Variants in RUBCNL observed in about 807,000 individuals in gnomAD.
RUBCNL encodes the protein rubicon like autophagy enhancer.
RUBCNL carries 62 observed loss-of-function variants against 69.5 expected under a neutral mutation model. The observed-to-expected ratio is 0.89, with a 90% CI of 0.73 to 1.10. The LOEUF (loss-of-function observed/expected upper bound fraction) is 1.10, where lower values mean the gene tolerates loss of function less well. Among genes scored for constraint, RUBCNL ranks in the 50% least tolerant of loss-of-function variants. The pLI is 0.00. For synonymous variants in RUBCNL, 291 were observed against 303.6 expected, an observed-to-expected ratio of 0.96 and a Z score of 0.43; for missense variants, 768 against 798.1, an observed-to-expected ratio of 0.96 and a Z score of 0.45.
rs375711388 is a variant in RUBCNL at position 46,345,531 on chromosome 13, G to A, written c.1701C>T (p.Asp567=). 1 of 1,612,862 alleles carries A rather than the reference G, an allele frequency of 6.2e-7. No individual in the cohort carries two copies. Among genetic ancestry groups the A allele is most frequent in the African/African-American group, 1.3e-5 (1 of 74,974 alleles). Residue 567 remains aspartate, a synonymous_variant, in exon 13 of 15, where the codon GAC becomes GAT. Transcript: ENST00000429979. ...TDELHLFSLE[D]LVRIKKGLLA... Reference sequence around the variant, plus strand: ...GCAGCCCTTTCTTGATCCTGACCAGGTCCTCAAGGGAGAACAGGTGGAGCT... The same window carrying A: ...GCAGCCCTTTCTTGATCCTGACCAGATCCTCAAGGGAGAACAGGTGGAGCT...
rs2138870223 is a variant in RUBCNL, at chr13:46,387,224, A to C, written c.-329T>G. On this transcript the variant is annotated 5_prime_UTR_variant, in exon 1 of 15. Transcript: ENST00000429979. ...CGGCTCCGGGCAGCGTTCCGTGGCC[A>C]CCGCGCTCCCGGTAACAGCAGAAAG... 1.0e-6 allele frequency: 1 copy of C among 984,948 alleles called. No individual in the cohort carries two copies. The highest frequency in any genetic ancestry group is 4.7e-5 in the South Asian group (1 of 21,194). The allele number at this position is 984,948 out of a possible 1,614,324, so 61.0% of individuals were successfully genotyped here.
chr13:46,345,616 CA>C lies in RUBCNL; in HGVS notation c.1632-17del. On this transcript the variant is annotated splice_polypyrimidine_tract_variant and intron_variant, in intron 12 of 14. Coordinates refer to ENST00000429979, the MANE Select transcript of RUBCNL (RefSeq NM_025113.5). ...CTTTAATGCACTGCCAGAGAGGAAA[CA>C]AAGAGGAATTCAGAAACCCACCCAC... is the stretch of plus-strand genomic sequence containing the variant. 6.2e-7 allele frequency: 1 copy of C among 1,612,142 alleles called. No homozygotes were observed. Among genetic ancestry groups the C allele is most frequent in the South Asian group, 1.1e-5 (1 of 90,772 alleles).
rs1256588920 is a variant in RUBCNL, at chr13:46,337,511, C to A, written c.*5874G>T. ...CAGTGAGATAGTGCCATCTATGAAC[C>A]AGGAAGTGGTCCCTCAATAGACATC... On this transcript the variant is annotated 3_prime_UTR_variant, in exon 15 of 15. Transcript: ENST00000429979. Among the ~76,000 whole-genome samples, 1 of 152,146 alleles carries A rather than the reference C, an allele frequency of 6.6e-6. No homozygotes were observed. The highest frequency in any genetic ancestry group is 1.5e-5 in the Non-Finnish European group (1 of 68,032).
At chr13:46,353,060 C>G (rs2048405486) in intron 10 of RUBCNL, among the ~76,000 whole-genome samples, 1 of 152,164 alleles carries the variant, frequency 6.6e-6, no homozygotes, top group African/African-American at 2.4e-5. Context: ...CAACCCAAGC[C>G]TGGACTGCGA....
chr13:46,379,410 T>C (rs918332729), intron 1 of RUBCNL, among the ~76,000 whole-genome samples: 1 of 152,242 alleles, frequency 6.6e-6, no homozygotes, highest in Non-Finnish European at 1.5e-5. Flanking sequence ...TTTTGGACAC[T>C]GCTTTGTCCC....
intron 12 of RUBCNL, among the ~76,000 whole-genome samples, chr13:46,347,935 G>A (rs1752487196): frequency 6.6e-6 from 1 of 152,130 alleles, no homozygotes. Context: ...GGAGCTTGCA[G>A]TGAGCCGAGA....
chr13:46,354,932 A>G (rs910672925), intron 10 of RUBCNL: 4 of 437,530 alleles, frequency 9.1e-6, no homozygotes, highest in Non-Finnish European at 1.9e-5. Flanking sequence ...CATGCATTCA[A>G]TATTTACAGA....
rs746520549 is a variant in RUBCNL, at chr13:46,368,753, G to C, written c.598C>G (p.Leu200Val). ...TTCACCTTTTCTACATCAACAGGCA[G>C]CACAAATACCTCTGGTGAGAAGGAA... is the stretch of plus-strand genomic sequence containing the variant. ...SNSFSPEVFV[L>V]PVDVEKENAH... is the part of the protein sequence containing the mutation. The change falls in exon 4 of 15, where the codon CTG (leucine) becomes GTG (valine). Residue 200 changes from leucine (L) to valine (V), a missense_variant. Leu to Val is a conservative substitution (Grantham distance 32). Coordinates refer to ENST00000429979, the MANE Select transcript of RUBCNL (RefSeq NM_025113.5). 3 of 1,613,578 alleles carry C rather than the reference G, an allele frequency of 1.9e-6. No individual in the cohort carries two copies. The highest frequency in any genetic ancestry group is 2.7e-5 in the African/African-American group (2 of 75,024).
At chr13:46,389,041 G>C (rs995940295), upstream of RUBCNL, among the ~76,000 whole-genome samples, 15 of 152,212 alleles carry the variant, frequency 9.9e-5, 1 homozygote, top group Admixed American at 9.8e-4. This position sits in a 1 kb window ranked among gnomAD's most constrained non-coding sequence, Gnocchi z 4.2. Context: ...GCTGAAGGCC[G>C]ATTGGGAAGG....
chr13:46,387,083 C>T (rs1195387592), intron 1 of RUBCNL, 51 bp downstream of exon 1: 1 of 985,500 alleles, frequency 1.0e-6, no homozygotes, highest in Non-Finnish European at 1.2e-6. Flanking sequence ...CTCCAACCAC[C>T]CTCTCCACCC....
chr13:46,337,527 A>C lies in RUBCNL; in HGVS notation c.*5858T>G, dbSNP rs983775109. Among the ~76,000 whole-genome samples, 5 of 152,194 alleles carry C rather than the reference A, an allele frequency of 3.3e-5. No homozygotes were observed. Among genetic ancestry groups the C allele is most frequent in the African/African-American group, 7.2e-5 (3 of 41,446 alleles). On this transcript the variant is annotated 3_prime_UTR_variant, in exon 15 of 15. Transcript: ENST00000429979. The stretch of plus-strand genomic sequence containing the variant: ...TCTATGAACCAGGAAGTGGTCCCTC[A>C]ATAGACATCAAATCTGCTGTTGTCT...
chr13:46,353,251 T>C (rs1181587301), intron 10 of RUBCNL, among the ~76,000 whole-genome samples: 1 of 152,228 alleles, frequency 6.6e-6, no homozygotes, highest in African/African-American at 2.4e-5. Flanking sequence ...ATGATAGTTA[T>C]GTTCTCTAGA....
rs2049027252 is a variant in RUBCNL, at chr13:46,377,766, T to G, written c.-123+124A>C. On this transcript the variant is annotated intron_variant, in intron 2 of 14. Transcript: ENST00000429979. ...CACAAAAATAACCAGCAGGTGCTGC[T>G]TTGCCAGGTTATAAAATCAAAGCAT... 1.3e-5 allele frequency: 7 copies of G among 548,510 alleles called. No individual in the cohort carries two copies. In the East Asian group the frequency reaches 2.2e-4, roughly 17 times the overall value. The allele number at this position is 548,510 out of a possible 1,614,324, so 34.0% of individuals were successfully genotyped here. A position where few individuals can be genotyped will look rare whatever the true frequency, so the allele number is the denominator to read the frequency against.
At chr13:46,383,842 C>T (rs1006683707) in intron 1 of RUBCNL, among the ~76,000 whole-genome samples, 1 of 152,194 alleles carries the variant, frequency 6.6e-6, no homozygotes, top group Non-Finnish European at 1.5e-5. Flanking sequence ...TTCTGCTATA[C>T]TAAGACACAT....
rs538469074 is a variant in RUBCNL, at chr13:46,336,078, A to G, written c.*7307T>C. On this transcript the variant is annotated 3_prime_UTR_variant, in exon 15 of 15. Transcript: ENST00000429979. ...AGACCACTGTCTACAGAGGAAGGGG[A>G]GAAATCACAAATGTCATGATGTTTC... Among the ~76,000 whole-genome samples the G allele has an allele frequency of 4.6e-5, 7 of 152,356 alleles. No homozygotes were observed. In the South Asian group the frequency reaches 1.4e-3, roughly 32 times the overall value.
intron 1 of RUBCNL, 144 bp from the exon 2 acceptor site, chr13:46,378,149 TG>T: frequency 1.9e-6 from 1 of 530,732 alleles, no homozygotes; most frequent in South Asian, 2.5e-5. Context: ...GCATTGTTTT[TG>T]TTTTGGTAGC....
chr13:46,336,803 TGAA>T lies in RUBCNL; in HGVS notation c.*6579_*6581del, dbSNP rs1162896247. On this transcript the variant is annotated 3_prime_UTR_variant, in exon 15 of 15. Coordinates refer to ENST00000429979, the MANE Select transcript of RUBCNL (RefSeq NM_025113.5). ...AACTGTTCTTTCAAAAATGTTGCTG[TGAA>T]GAAGATCATAGAGGTAGAACTGGAA... Among the ~76,000 whole-genome samples the T allele has an allele frequency of 2.0e-5, 3 of 152,118 alleles. No homozygotes were observed. Among genetic ancestry groups the T allele is most frequent in the East Asian group, 1.9e-4 (1 of 5,186 alleles).
rs962550850 is a variant in RUBCNL at position 46,371,809 on chromosome 13, T to A, written c.535+132A>T. The A allele has an allele frequency of 9.0e-6, 8 of 892,372 alleles. No individual in the cohort carries two copies. The African/African-American group carries it at 1.0e-4, about 11-fold the overall frequency. The allele number at this position is 892,372 out of a possible 1,614,324, so 55.3% of individuals were successfully genotyped here. A position where few individuals can be genotyped will look rare whatever the true frequency, so the allele number is the denominator to read the frequency against. The stretch of plus-strand genomic sequence containing the variant: ...ATTTCACCTGTTGTGACCGCCCAGA[T>A]GGCTGGGCTGCTGACAATATTAGAT... On this transcript the variant is annotated intron_variant, in intron 3 of 14. Transcript: ENST00000429979.
chr13:46,350,412 C>A, intron 10 of RUBCNL, 61 bp from the exon 11 acceptor site: 1 of 1,211,366 alleles, frequency 8.3e-7, no homozygotes, highest in Non-Finnish European at 1.2e-6. Context: ...CCTGGTATAC[C>A]CCGACTTCCA....
Sources: gnomAD v4.1 joint callset for allele counts (sites outside exome capture counted in the v4.1 genomes callset) on GRCh38, gnomAD v4.1.1 for gene constraint, Gnocchi (gnomAD v3.1) non-coding constraint, MANE v1.5 for transcripts, NCBI Gene and HGNC (gene_info 2026-07-23, HGNC 2026-07-21) for gene names.